PCDHA1: variants seen among roughly 807,000 people sequenced by gnomAD.
PCDHA1 encodes the protein protocadherin alpha-1.
A neutral mutation model predicts 61.3 loss-of-function variants in PCDHA1; 42 were observed. The ratio of observed to expected loss-of-function variants is 0.69; its 90% CI spans 0.54 to 0.89. PCDHA1 has a LOEUF of 0.89. Among genes scored for constraint, PCDHA1 ranks in the 40% least tolerant of loss-of-function variants. PCDHA1 has a pLI of 0.00. For missense variants in PCDHA1, 1,256 were observed against 1,235.3 expected, an observed-to-expected ratio of 1.02 and a Z score of -0.25; for synonymous variants, 610 against 553.8, an observed-to-expected ratio of 1.10 and a Z score of -1.43.
At chr5:140,967,823 G>A in intron 1 of PCDHA1, 2 of 1,614,162 alleles carry the variant, frequency 1.2e-6, no homozygotes, top group Non-Finnish European at 8.5e-7. Context: ...CAAGGTGCTG[G>A]TGGACATCGT....
chr5:140,868,994 A>C, intron 1 of PCDHA1: 1 of 1,510,848 alleles, frequency 6.6e-7, no homozygotes, highest in Non-Finnish European at 8.8e-7. Context: ...GCCACCGTTT[A>C]AGGATCCTTT....
Position 140,821,983 on chromosome 5 carries a change from C to G in PCDHA1, c.2394+33299C>G. 6.2e-7 allele frequency: 1 copy of G among 1,614,148 alleles called. No individual in the cohort carries two copies. On this transcript the variant is annotated intron_variant, in intron 1 of 3. Coordinates refer to ENST00000504120, the MANE Select transcript of PCDHA1 (RefSeq NM_018900.4). ...CCTGTTCCGGGTGGCGTCCAAGGGC[C>G]GCGGGGACCTTCTGGAGGTAAATCT...
chr5:140,979,053 T>A (rs1429544807), intron 2 of PCDHA1, 46 bp downstream of exon 2: 3 of 1,610,104 alleles, frequency 1.9e-6, no homozygotes, highest in Admixed American at 3.4e-5. Context: ...CTTAACTTGG[T>A]ATGGCTCAGA....
At position 140,809,171 on chromosome 5, in the gene PCDHA1, A is replaced by G. The variant is rs1554125055; in HGVS notation, c.2394+20487A>G. The G allele has an allele frequency of 5.0e-6, 8 of 1,613,860 alleles. No individual in the cohort carries two copies. The South Asian group carries it at 5.5e-5, about 11-fold the overall frequency. ...CCACGGCGAGCCCGCGCTGACGGCC[A>G]CGGCCACTGTGCTGGTGTCACTTGT... On this transcript the variant is annotated intron_variant, in intron 1 of 3. Coordinates refer to ENST00000504120, the MANE Select transcript of PCDHA1 (RefSeq NM_018900.4).
At position 140,851,080 on chromosome 5, in the gene PCDHA1, T is replaced by C. The variant is rs1329158388; in HGVS notation, c.2394+62396T>C. On this transcript the variant is annotated intron_variant, in intron 1 of 3. Coordinates refer to ENST00000504120, the MANE Select transcript of PCDHA1 (RefSeq NM_018900.4). ...GACTTCTAGTGAGAATTATAAACTGTATATTAAATAGATATTTTTTGGGTG... is the reference window on the plus strand; with the variant it reads ...GACTTCTAGTGAGAATTATAAACTGCATATTAAATAGATATTTTTTGGGTG... 5 of 1,302,950 alleles carry C rather than the reference T, an allele frequency of 3.8e-6. No individual in the cohort carries two copies. In the African/African-American group the frequency reaches 6.1e-5, roughly 16 times the overall value. The allele number at this position is 1,302,950 out of a possible 1,614,324, so 80.7% of individuals were successfully genotyped here.
chr5:140,823,434 C>G, intron 1 of PCDHA1: 1 of 1,613,238 alleles, frequency 6.2e-7, no homozygotes, highest in South Asian at 1.1e-5. Flanking sequence ...TGCAGGTGTT[C>G]GTGCTGGACG....
chr5:140,826,218 T>A (rs1768851358), intron 1 of PCDHA1, among the ~76,000 whole-genome samples: 1 of 152,214 alleles, frequency 6.6e-6, no homozygotes, highest in Non-Finnish European at 1.5e-5. Context: ...AAAAATCAAG[T>A]TTTGTGATAT....
At chr5:140,856,876 G>A (rs1554149244) in intron 1 of PCDHA1, 1 of 1,596,004 alleles carries the variant, frequency 6.3e-7, no homozygotes, top group Non-Finnish European at 8.6e-7. Context: ...ACAAGGAAAT[G>A]ATGTATTCAT....
chr5:140,857,646 A>G lies in PCDHA1; in HGVS notation c.2394+68962A>G, dbSNP rs782060988. 27 of 1,596,264 alleles carry G rather than the reference A, an allele frequency of 1.7e-5. 4 individuals carry two copies. The highest frequency in any genetic ancestry group is 2.2e-5 in the Non-Finnish European group (26 of 1,167,636). Reference sequence around the variant, plus strand: ...GAGGAGCTGGAGCTGCTACAGTTCCAGGTGAGCGCGCGCGATGGGGGCGTG... The same window carrying G: ...GAGGAGCTGGAGCTGCTACAGTTCCGGGTGAGCGCGCGCGATGGGGGCGTG... On this transcript the variant is annotated intron_variant, in intron 1 of 3. Coordinates refer to ENST00000504120, the MANE Select transcript of PCDHA1 (RefSeq NM_018900.4).
intron 1 of PCDHA1, chr5:140,869,469 G>C (rs781981842): frequency 6.2e-6 from 10 of 1,614,092 alleles, no homozygotes; most frequent in Admixed American, 1.7e-5. Flanking sequence ...TGAACGTGGA[G>C]GTGAAGGACA....
intron 1 of PCDHA1, chr5:140,857,725 C>T: frequency 6.3e-7 from 1 of 1,597,502 alleles, no homozygotes; most frequent in Non-Finnish European, 8.6e-7. Context: ...ACGAGAACGA[C>T]AACGCTCCCG....
At position 140,967,833 on chromosome 5, in the gene PCDHA1, T is replaced by G. The variant is rs1554229998; in HGVS notation, c.2395-11116T>G. The G allele has an allele frequency of 1.2e-6, 2 of 1,614,014 alleles. No homozygotes were observed. The highest frequency in any genetic ancestry group is 4.5e-5 in the East Asian group (2 of 44,876). On this transcript the variant is annotated intron_variant, in intron 1 of 3. Transcript: ENST00000504120. The stretch of plus-strand genomic sequence containing the variant: ...CACTGCAAGGTGCTGGTGGACATCG[T>G]GGACGTGAATGACAATGCCCCAGAG...
At chr5:140,893,510 G>A (rs1554185640) in intron 1 of PCDHA1, among the ~76,000 whole-genome samples, 1 of 152,148 alleles carries the variant, frequency 6.6e-6, no homozygotes, top group African/African-American at 2.4e-5. Flanking sequence ...AAAAAAAGCA[G>A]TTGTAGAACT....
chr5:140,796,083 G>C (rs782043992), intron 1 of PCDHA1: 23 of 1,614,142 alleles, frequency 1.4e-5, no homozygotes, highest in Non-Finnish European at 1.8e-5. Flanking sequence ...CTCTCATCAC[G>C]GTGTCGGATC....
chr5:140,969,251 A>G, intron 1 of PCDHA1: 1 of 1,614,262 alleles, frequency 6.2e-7, no homozygotes, highest in South Asian at 1.1e-5. Flanking sequence ...AGTGACTGAC[A>G]GCAGGAATCT....
At chr5:140,842,619 C>T (rs2150340837) in intron 1 of PCDHA1, 8 of 1,575,272 alleles carry the variant, frequency 5.1e-6, no homozygotes, top group Middle Eastern at 1.7e-4. Context: ...GGGGGCTCGC[C>T]TTCGCTGTGG....
At chr5:140,877,438 G>A (rs1554169741) in intron 1 of PCDHA1, 1 of 1,613,892 alleles carries the variant, frequency 6.2e-7, no homozygotes, top group South Asian at 1.1e-5. Context: ...GGACCACGGT[G>A]AGCCCGCGCT....
At chr5:141,006,216 A>T (rs6897376) in intron 3 of PCDHA1, among the ~76,000 whole-genome samples, 45,154 of 145,800 alleles carry the variant, frequency 0.31, 6,982 homozygotes, top group East Asian at 0.44. Context: ...ATTTTTTTTT[A>T]AATTTTTTAT....
intron 1 of PCDHA1, chr5:140,797,442 C>A: frequency 7.3e-7 from 1 of 1,368,350 alleles, no homozygotes; most frequent in Non-Finnish European, 1.0e-6. Flanking sequence ...ATTCATAGTT[C>A]TTCATTTATT....
Sources: allele counts gnomAD v4.1 joint callset (sites outside exome capture counted in the v4.1 genomes callset), GRCh38; gene constraint gnomAD v4.1.1; transcripts MANE v1.5; gene names NCBI Gene and HGNC (gene_info 2026-07-23, HGNC 2026-07-21).